MYRIP: variants seen among roughly 807,000 people sequenced by gnomAD.
The protein encoded by MYRIP is rab effector MyRIP.
MYRIP carries 49 observed loss-of-function variants against 98.0 expected under a neutral mutation model. That is an observed-to-expected ratio of 0.50 (90% CI 0.40 to 0.63). The LOEUF (loss-of-function observed/expected upper bound fraction) is 0.63. MYRIP is among the 30% of genes least tolerant of loss of function. The pLI is 0.00. For missense variants in MYRIP, 1,004 were observed against 1,058.2 expected (o/e 0.95, Z 0.71); for synonymous variants, 404 against 409.5 (o/e 0.99, Z 0.16).
chr3:40,025,789 G>T (rs1034683131), intron 2 of MYRIP, among the ~76,000 whole-genome samples: 2 of 152,082 alleles, frequency 1.3e-5, no homozygotes, highest in African/African-American at 2.4e-5. Flanking sequence ...GGGGGTGTAC[G>T]AACAGGGAGT....
chr3:40,111,474 A>T (rs1364967738), intron 3 of MYRIP, among the ~76,000 whole-genome samples: 2 of 152,208 alleles, frequency 1.3e-5, no homozygotes, highest in African/African-American at 4.8e-5. Context: ...GGAAAACAAG[A>T]TTAAATACCC....
chr3:40,080,136 C>G (rs1485834906), intron 3 of MYRIP, among the ~76,000 whole-genome samples: 1 of 152,132 alleles, frequency 6.6e-6, no homozygotes, highest in Non-Finnish European at 1.5e-5. Context: ...AAGCTCCTTT[C>G]CAGAATCAAG....
Position 40,189,672 on chromosome 3 carries a change from C to T in MYRIP, c.1028-154C>T, listed in dbSNP as rs552874405. The stretch of plus-strand genomic sequence containing the variant: ...ATTCCTTGGGGAACTTTGAACTCTG[C>T]CCACCAATTGGGTTTGCCTTCCTGG... On this transcript the variant is annotated intron_variant, in intron 9 of 16. Coordinates refer to ENST00000302541, the MANE Select transcript of MYRIP (RefSeq NM_015460.4). 2.0e-5 allele frequency among the ~76,000 whole-genome samples: 3 copies of T among 152,300 alleles called. No individual in the cohort carries two copies. In the East Asian group the frequency reaches 5.8e-4, roughly 29 times the overall value.
intron 2 of MYRIP, among the ~76,000 whole-genome samples, chr3:39,928,235 A>G (rs1944460157): frequency 6.6e-6 from 1 of 152,012 alleles, no homozygotes; most frequent in African/African-American, 2.4e-5. Context: ...TCACTGGAAA[A>G]TTCTAACAAA....
At chr3:40,148,143 A>G (rs970959733) in intron 3 of MYRIP, among the ~76,000 whole-genome samples, 2 of 152,162 alleles carry the variant, frequency 1.3e-5, no homozygotes, top group Non-Finnish European at 2.9e-5. Context: ...TACAAATTTT[A>G]GCATCATTAT....
At chr3:40,104,156 G>T (rs1949007466) in intron 3 of MYRIP, among the ~76,000 whole-genome samples, 1 of 152,144 alleles carries the variant, frequency 6.6e-6, no homozygotes, top group Non-Finnish European at 1.5e-5. Flanking sequence ...GAGAGTGCCT[G>T]TTGGGCTATA....
At position 40,212,169 on chromosome 3, in the gene MYRIP, C is replaced by T. The variant is rs28378139; in HGVS notation, c.1905+2076C>T. On this transcript the variant is annotated intron_variant, in intron 11 of 16. Transcript: ENST00000302541. ...ATATATATACGTGTATATATATATACATATATATACGTGTATGTGTATATA... is the reference window on the plus strand; with the variant it reads ...ATATATATACGTGTATATATATATATATATATATACGTGTATGTGTATATA... Among the ~76,000 whole-genome samples, 15 of 5,362 alleles carry T rather than the reference C, an allele frequency of 2.8e-3. 2 individuals carry two copies. The highest frequency in any genetic ancestry group is 9.8e-3 in the Admixed American group (3 of 306). The allele number at this position is 5,362 out of a possible 152,430, so 3.5% of individuals were successfully genotyped here.
At chr3:39,873,112 G>GT (rs2125632599) in intron 1 of MYRIP, among the ~76,000 whole-genome samples, 2 of 152,272 alleles carry the variant, frequency 1.3e-5, no homozygotes, top group African/African-American at 4.8e-5. Context: ...TTTTTCATAT[G>GT]TTTTTTGGCT....
At chr3:39,839,450 G>T (rs1941728380) in intron 1 of MYRIP, among the ~76,000 whole-genome samples, 2 of 152,122 alleles carry the variant, frequency 1.3e-5, no homozygotes, top group Middle Eastern at 3.4e-3. Flanking sequence ...TAGAGATGGG[G>T]TTTCACCAAG....
At chr3:39,897,656 C>T (rs962703149) in intron 1 of MYRIP, among the ~76,000 whole-genome samples, 9 of 152,110 alleles carry the variant, frequency 5.9e-5, no homozygotes, top group Admixed American at 3.3e-4. Context: ...TTCATGGACA[C>T]GAGCCTTCTC....
At chr3:40,255,893 T>C (rs539771402) in intron 16 of MYRIP, among the ~76,000 whole-genome samples, 3 of 152,222 alleles carry the variant, frequency 2.0e-5, no homozygotes, top group Non-Finnish European at 4.4e-5. Context: ...TTTATAAAAA[T>C]TGACTTTATA....
chr3:40,022,527 A>G (rs1947020268), intron 2 of MYRIP, among the ~76,000 whole-genome samples: 1 of 152,208 alleles, frequency 6.6e-6, no homozygotes. Flanking sequence ...TCATCATCAA[A>G]TGGCTCTGAG....
At chr3:39,821,972 A>T in intron 1 of MYRIP, among the ~76,000 whole-genome samples, 1 of 152,130 alleles carries the variant, frequency 6.6e-6, no homozygotes, top group South Asian at 2.1e-4. Context: ...TTTTTAACTG[A>T]TTTTTTGCAG....
intron 9 of MYRIP, among the ~76,000 whole-genome samples, chr3:40,187,116 T>C (rs1951059169): frequency 6.6e-6 from 1 of 152,228 alleles, no homozygotes; most frequent in African/African-American, 2.4e-5. Context: ...TGTTAATTCA[T>C]AACCAGGTGT....
At chr3:39,977,864 A>T (rs1452811913) in intron 2 of MYRIP, among the ~76,000 whole-genome samples, 3 of 152,160 alleles carry the variant, frequency 2.0e-5, no homozygotes, top group Admixed American at 6.6e-5. Flanking sequence ...ACCACCTTGC[A>T]ATATAAGGGT....
chr3:39,883,619 T>G (rs1369294715), intron 1 of MYRIP, among the ~76,000 whole-genome samples: 2 of 151,896 alleles, frequency 1.3e-5, no homozygotes, highest in African/African-American at 4.8e-5. Context: ...GCAGCACATC[T>G]ACCCACTAAA....
At chr3:39,867,324 A>G (rs1176982081) in intron 1 of MYRIP, among the ~76,000 whole-genome samples, 1 of 152,224 alleles carries the variant, frequency 6.6e-6, no homozygotes, top group South Asian at 2.1e-4. Flanking sequence ...GTTGTACTAC[A>G]TTAAACTAAA....
intron 1 of MYRIP, among the ~76,000 whole-genome samples, chr3:39,899,457 C>T (rs1943693446): frequency 6.6e-6 from 1 of 151,646 alleles, no homozygotes; most frequent in South Asian, 2.1e-4. Flanking sequence ...ACTATTGTTA[C>T]TATTCTTCTG....
At chr3:39,840,126 AAGAAG>A (rs1941754590) in intron 1 of MYRIP, among the ~76,000 whole-genome samples, 1 of 152,146 alleles carries the variant, frequency 6.6e-6, no homozygotes, top group Non-Finnish European at 1.5e-5. Flanking sequence ...GTAGGTCTCT[AAGAAG>A]TTGCTTTATG....
Sources: allele counts gnomAD v4.1 joint callset (sites outside exome capture counted in the v4.1 genomes callset), GRCh38; gene constraint gnomAD v4.1.1; transcripts MANE v1.5; gene names NCBI Gene and HGNC (gene_info 2026-07-23, HGNC 2026-07-21).